The following ACAD10 variants were observed in gnomAD, a reference collection of about 807,000 sequenced individuals.
The protein encoded by ACAD10 is ACAD-10.
In ACAD10, 112 loss-of-function variants were observed where a neutral mutation model predicts 116.8. The ratio of observed to expected loss-of-function variants is 0.96; its 90% CI spans 0.82 to 1.12. ACAD10 has a LOEUF of 1.12. Ranked by LOEUF, ACAD10 falls within the 50% of genes most tolerant of loss-of-function variation. The pLI, the probability that ACAD10 is intolerant of heterozygous loss-of-function variation, is 0.00. For synonymous variants in ACAD10, 486 were observed against 510.6 expected (o/e 0.95, Z 0.65); for missense variants, 1,259 against 1,350.2 (o/e 0.93, Z 1.06).
At position 111,704,612 on chromosome 12, in the gene ACAD10, T is replaced by C. The variant is rs574848037; in HGVS notation, c.337-1126T>C. On this transcript the variant is annotated intron_variant, in intron 3 of 20. Transcript: ENST00000313698. Reference sequence around the variant, plus strand: ...TAAAATCTGTGTGTGTATATGTATATATAAAACAGCAGACTTGCCTTTGCA... The same window carrying C: ...TAAAATCTGTGTGTGTATATGTATACATAAAACAGCAGACTTGCCTTTGCA... Among the ~76,000 whole-genome samples, 6 of 152,232 alleles carry C rather than the reference T, an allele frequency of 3.9e-5. No homozygotes were observed. The South Asian group carries it at 8.3e-4, about 21-fold the overall frequency.
chr12:111,747,001 T>C (rs1889922548), intron 14 of ACAD10, 48 bp from the exon 15 acceptor site: 2 of 1,521,824 alleles, frequency 1.3e-6, no homozygotes, highest in South Asian at 2.6e-5. Context: ...CTCTGTTTTT[T>C]TTAGAAGAGG....
intron 1 of ACAD10, among the ~76,000 whole-genome samples, chr12:111,691,775 G>A (rs1888051338): frequency 6.6e-6 from 1 of 151,716 alleles, no homozygotes; most frequent in Middle Eastern, 3.4e-3. Flanking sequence ...TTGTGTTTTT[G>A]AGTAGAGATG....
chr12:111,755,738 C>G lies in ACAD10; in HGVS notation c.3032C>G (p.Ala1011Gly). The G allele has an allele frequency of 6.2e-7, 1 of 1,613,586 alleles. No homozygotes were observed. Among genetic ancestry groups the G allele is most frequent in the Non-Finnish European group, 8.5e-7 (1 of 1,179,770 alleles). The change falls in exon 20 of 21, where the codon GCG becomes GGG. Residue 1011 changes from alanine (A) to glycine (G), a missense_variant. Ala to Gly is a moderately conservative substitution (Grantham distance 60). Coordinates refer to ENST00000313698, the MANE Select transcript of ACAD10 (RefSeq NM_025247.6). ...ATGGCCTCCCGAGTGATTGATCGTG[C>G]GATTCAGGTGAGCACAGACCAGACA... ...PSMASRVIDR[A>G]IQAFGAAGLS...
At position 111,744,934 on chromosome 12, in the gene ACAD10, G is replaced by A. The variant is rs756084470; in HGVS notation, c.2006G>A (p.Arg669Gln). The A allele has an allele frequency of 7.4e-6, 12 of 1,613,980 alleles. No homozygotes were observed. Among genetic ancestry groups the A allele is most frequent in the South Asian group, 2.2e-5 (2 of 91,086 alleles). Reference sequence around the variant, plus strand: ...CCACCTGTCAGAGAGCTGTATCACCGGCTGAAGCACTTCATGGAGCAACGT... The same window carrying A: ...CCACCTGTCAGAGAGCTGTATCACCAGCTGAAGCACTTCATGGAGCAACGT... ...LSPPVRELYH[R>Q]LKHFMEQRVY... Residue 669 changes from arginine (R) to glutamine (Q), a missense_variant, in exon 13 of 21, where the codon CGG (arginine) becomes CAG (glutamine). Coordinates refer to ENST00000313698, the MANE Select transcript of ACAD10 (RefSeq NM_025247.6).
At chr12:111,686,412 T>C in intron 1 of ACAD10, 173 bp downstream of exon 1, 1 of 151,618 alleles carries the variant, frequency 6.6e-6, no homozygotes, top group Non-Finnish European at 1.5e-5. Context: ...GAGTGGAGAG[T>C]CGATCGCTGT....
chr12:111,712,744 G>T (rs1888723456), intron 6 of ACAD10, 87 bp downstream of exon 6: 3 of 1,423,902 alleles, frequency 2.1e-6, no homozygotes, highest in South Asian at 1.3e-5. Context: ...AATGGAATGG[G>T]CTGGAGACAA....
chr12:111,719,639 G>A (rs902191235), intron 7 of ACAD10, among the ~76,000 whole-genome samples: 3 of 150,232 alleles, frequency 2.0e-5, no homozygotes, highest in Admixed American at 6.6e-5. Flanking sequence ...TGCAACCTCC[G>A]CCTCCTGGGT....
chr12:111,723,269 G>A (rs1160380011), intron 8 of ACAD10, among the ~76,000 whole-genome samples: 62 of 128,468 alleles, frequency 4.8e-4, no homozygotes, highest in East Asian at 1.2e-3. Flanking sequence ...AGGGGCGGCC[G>A]GGCAGAGGCG....
At position 111,756,280 on chromosome 12, in the gene ACAD10, C is replaced by G; in HGVS notation, c.3040-53C>G. On this transcript the variant is annotated intron_variant, in intron 20 of 20. Transcript: ENST00000313698. Reference sequence around the variant, plus strand: ...AGAGCAGGCTATCATTCCTGGGGCTCTCGGAGACAAGGGCTGACCCAGGGC... The same window carrying G: ...AGAGCAGGCTATCATTCCTGGGGCTGTCGGAGACAAGGGCTGACCCAGGGC... The G allele has an allele frequency of 3.9e-6, 6 of 1,522,658 alleles. 1 individual carries two copies. In the South Asian group the frequency reaches 7.7e-5, roughly 19 times the overall value. 94.3% of individuals were successfully genotyped at this position (1,522,658 alleles called of 1,614,324 possible).
intron 18 of ACAD10, chr12:111,753,509 C>T (rs1242724799): frequency 1.5e-6 from 1 of 678,940 alleles, no homozygotes; most frequent in South Asian, 1.5e-5. Context: ...ATAAAGGGTT[C>T]TTGGAAGCAA....
At chr12:111,725,864 A>G (rs1177772611) in intron 8 of ACAD10, among the ~76,000 whole-genome samples, 1 of 152,182 alleles carries the variant, frequency 6.6e-6, no homozygotes, top group Non-Finnish European at 1.5e-5. Context: ...CAACACCAGT[A>G]TACCTAACTA....
At chr12:111,754,566 C>T (rs991606715) in intron 19 of ACAD10, among the ~76,000 whole-genome samples, 1 of 152,220 alleles carries the variant, frequency 6.6e-6, no homozygotes, top group Non-Finnish European at 1.5e-5. Flanking sequence ...CTTTGTCCAG[C>T]TTTCTGTGGG....
chr12:111,703,708 G>T (rs1566144310), intron 3 of ACAD10, among the ~76,000 whole-genome samples: 1 of 151,798 alleles, frequency 6.6e-6, no homozygotes, highest in Non-Finnish European at 1.5e-5. Context: ...CGTGGTGGTG[G>T]GCATCTGTAA....
rs1263167046 is a variant in ACAD10 at position 111,756,415 on chromosome 12, G to A, written c.3122G>A (p.Gly1041Asp). The A allele has an allele frequency of 6.2e-7, 1 of 1,612,642 alleles. No homozygotes were observed. Among genetic ancestry groups the A allele is most frequent in the East Asian group, 2.2e-5 (1 of 44,862 alleles). Residue 1041 changes from glycine (G) to aspartate (D), a missense_variant, in exon 21 of 21, where the codon GGC (glycine) becomes GAC (aspartate). Physicochemically the swap from Gly to Asp is moderately conservative, Grantham distance 94 (BLOSUM62 -1). Transcript: ENST00000313698. ...GCCCGAGCCCTGCGCTTTGCCGACG[G>A]CCCTGACGAGGTGCACCGGGCCACG... ...TWARALRFAD[G>D]PDEVHRATVA...
intron 12 of ACAD10, among the ~76,000 whole-genome samples, chr12:111,738,376 G>A (rs530029050): frequency 6.7e-4 from 100 of 149,994 alleles, no homozygotes; most frequent in Non-Finnish European, 1.3e-3. Context: ...AACCTGGGAC[G>A]GGGAGGTTGC....
At chr12:111,710,795 T>C (rs1888656732) in intron 5 of ACAD10, among the ~76,000 whole-genome samples, 1 of 152,062 alleles carries the variant, frequency 6.6e-6, no homozygotes, top group Non-Finnish European at 1.5e-5. Context: ...GAATCTTTTT[T>C]GAGATGAGGT....
At chr12:111,739,651 G>A (rs1287623261) in intron 12 of ACAD10, among the ~76,000 whole-genome samples, 1 of 152,086 alleles carries the variant, frequency 6.6e-6, no homozygotes, top group South Asian at 2.1e-4. Context: ...CCAGCTACTC[G>A]GGAGGCTGAG....
At chr12:111,713,938 CA>C (rs1243395654) in intron 6 of ACAD10, among the ~76,000 whole-genome samples, 11 of 148,896 alleles carry the variant, frequency 7.4e-5, no homozygotes, top group Non-Finnish European at 1.5e-5. Context: ...GTCCCCCCCC[CA>C]AAAAAAAAAG....
chr12:111,701,712 G>A (rs780693941), intron 2 of ACAD10, among the ~76,000 whole-genome samples: 20 of 152,072 alleles, frequency 1.3e-4, no homozygotes, highest in Non-Finnish European at 2.2e-4. Context: ...AGCATTTCAG[G>A]CGAACATTTC....
Sources: gnomAD v4.1 joint callset for allele counts (sites outside exome capture counted in the v4.1 genomes callset) on GRCh38, gnomAD v4.1.1 for gene constraint, MANE v1.5 for transcripts, NCBI Gene and HGNC (gene_info 2026-07-23, HGNC 2026-07-21) for gene names.